Variants in HS6ST3 observed in about 807,000 individuals in gnomAD.
HS6ST3 encodes heparan sulfate 6-O-sulfotransferase 3, also known as heparan-sulfate 6-O-sulfotransferase 3.
HS6ST3 carries 12 observed loss-of-function variants against 36.7 expected under a neutral mutation model. The observed-to-expected ratio is 0.33, with a 90% CI of 0.21 to 0.53. HS6ST3 has a LOEUF of 0.53. HS6ST3 is among the 20% of genes least tolerant of loss of function. HS6ST3 has a pLI of 0.95. For missense variants in HS6ST3, 584 were observed against 640.9 expected, an observed-to-expected ratio of 0.91 and a Z score of 0.96; for synonymous variants, 240 against 257.5, an observed-to-expected ratio of 0.93 and a Z score of 0.65.
chr13:96,264,784 A>T (rs891940027), intron 1 of HS6ST3, among the ~76,000 whole-genome samples: 3 of 152,252 alleles, frequency 2.0e-5, no homozygotes, highest in Non-Finnish European at 4.4e-5. Context: ...TGGCAAAGGT[A>T]TAAGGCTTGG....
chr13:96,211,184 G>A (rs755226356), intron 1 of HS6ST3, among the ~76,000 whole-genome samples: 13 of 152,152 alleles, frequency 8.5e-5, no homozygotes, highest in Non-Finnish European at 1.8e-4. Flanking sequence ...CATCTGCCTT[G>A]GGCTCCCAGA....
At chr13:96,695,603 T>TG (rs1055261012) in intron 1 of HS6ST3, among the ~76,000 whole-genome samples, 2 of 116,516 alleles carry the variant, frequency 1.7e-5, no homozygotes, top group African/African-American at 6.8e-5. Flanking sequence ...CAGCTGTTTT[T>TG]TTTTTTTTTT....
chr13:96,481,667 C>A (rs540891029), intron 1 of HS6ST3, among the ~76,000 whole-genome samples: 3 of 152,154 alleles, frequency 2.0e-5, no homozygotes, highest in African/African-American at 4.8e-5. Context: ...CCTGCCCCTC[C>A]GCTCTCCAGC....
At chr13:96,185,277 T>C (rs2054259905) in intron 1 of HS6ST3, among the ~76,000 whole-genome samples, 1 of 152,256 alleles carries the variant, frequency 6.6e-6, no homozygotes, top group South Asian at 2.1e-4. Flanking sequence ...CCCATCTACT[T>C]TGGAGTAGTT....
intron 1 of HS6ST3, among the ~76,000 whole-genome samples, chr13:96,556,077 C>G (rs1416752390): frequency 2.0e-5 from 3 of 152,178 alleles, no homozygotes; most frequent in Admixed American, 6.6e-5. Flanking sequence ...CAGGAAGAGT[C>G]TGAAGGTCAA....
intron 1 of HS6ST3, among the ~76,000 whole-genome samples, chr13:96,419,418 G>A (rs1482551199): frequency 6.6e-6 from 1 of 152,100 alleles, no homozygotes; most frequent in Non-Finnish European, 1.5e-5. Context: ...GAAAAGATGG[G>A]TTATGATATG....
At chr13:96,147,743 A>G (rs1286356174) in intron 1 of HS6ST3, among the ~76,000 whole-genome samples, 1 of 152,222 alleles carries the variant, frequency 6.6e-6, no homozygotes, top group Non-Finnish European at 1.5e-5. Flanking sequence ...GACTCTGGCC[A>G]TCTGCCACCC....
At chr13:96,222,209 T>C (rs775155398) in intron 1 of HS6ST3, among the ~76,000 whole-genome samples, 3 of 152,282 alleles carry the variant, frequency 2.0e-5, no homozygotes, top group Non-Finnish European at 4.4e-5. Context: ...CACTTTATGA[T>C]GTAACAGGGA....
At chr13:96,761,673 A>G (rs1364421694) in intron 1 of HS6ST3, among the ~76,000 whole-genome samples, 3 of 152,120 alleles carry the variant, frequency 2.0e-5, no homozygotes, top group Non-Finnish European at 4.4e-5. Context: ...TCACAATTTT[A>G]TTTCATACAT....
chr13:96,196,940 A>G (rs2139349074), intron 1 of HS6ST3, among the ~76,000 whole-genome samples: 1 of 152,244 alleles, frequency 6.6e-6, no homozygotes, highest in Middle Eastern at 3.4e-3. Flanking sequence ...CCAAAATGCA[A>G]CTTTCTTACC....
intron 1 of HS6ST3, among the ~76,000 whole-genome samples, chr13:96,763,308 G>A (rs1326937776): frequency 6.7e-6 from 1 of 149,042 alleles, no homozygotes; most frequent in African/African-American, 2.4e-5. Context: ...AAATGTATTA[G>A]TATAATAGGT....
At chr13:96,310,459 C>A (rs201380404) in intron 1 of HS6ST3, among the ~76,000 whole-genome samples, 3 of 151,982 alleles carry the variant, frequency 2.0e-5, no homozygotes, top group Non-Finnish European at 2.9e-5. Flanking sequence ...TTGAGAGATT[C>A]TAAAAATGGG....
At chr13:96,260,886 C>T (rs2054663087) in intron 1 of HS6ST3, among the ~76,000 whole-genome samples, 1 of 152,084 alleles carries the variant, frequency 6.6e-6, no homozygotes, top group African/African-American at 2.4e-5. Flanking sequence ...GTGATCCGCC[C>T]TCCTTGGCCT....
At chr13:96,791,178 A>G (rs987519843) in intron 1 of HS6ST3, among the ~76,000 whole-genome samples, 1 of 151,918 alleles carries the variant, frequency 6.6e-6, no homozygotes, top group Non-Finnish European at 1.5e-5. Flanking sequence ...GCAGCGAATA[A>G]TTTTTCCAAA....
rs200247870 is a variant in HS6ST3, at chr13:96,360,799, T to A, written c.707+269230T>A. On this transcript the variant is annotated intron_variant, in intron 1 of 1. Coordinates refer to ENST00000376705, the MANE Select transcript of HS6ST3 (RefSeq NM_153456.4). ...TCGTCTCTACTAAAAATACAAAAAT[T>A]AGCCAGGTGTAGTGGTGGGCACCTG... 4.8e-4 allele frequency among the ~76,000 whole-genome samples: 73 copies of A among 151,896 alleles called. No homozygotes were observed. The East Asian group carries it at 0.013, about 27-fold the overall frequency.
intron 1 of HS6ST3, among the ~76,000 whole-genome samples, chr13:96,760,887 A>G (rs1026115078): frequency 6.6e-6 from 1 of 152,046 alleles, no homozygotes; most frequent in South Asian, 2.1e-4. Context: ...AAAAGGGTGT[A>G]TTTTCTTTGT....
intron 1 of HS6ST3, among the ~76,000 whole-genome samples, chr13:96,286,492 A>G (rs765483881): frequency 6.6e-6 from 1 of 152,194 alleles, no homozygotes; most frequent in Non-Finnish European, 1.5e-5. Flanking sequence ...GCTGTAGACT[A>G]TGGCATCCTT....
At chr13:96,777,723 A>G (rs555582639) in intron 1 of HS6ST3, among the ~76,000 whole-genome samples, 2 of 152,206 alleles carry the variant, frequency 1.3e-5, no homozygotes, top group African/African-American at 4.8e-5. Flanking sequence ...AGGAAGAATC[A>G]ATATCATGAA....
chr13:96,718,446 A>G (rs1316707171), intron 1 of HS6ST3, among the ~76,000 whole-genome samples: 4 of 152,186 alleles, frequency 2.6e-5, no homozygotes, highest in African/African-American at 9.7e-5. Context: ...TTCAGTATGA[A>G]TCAAGATATT....
Sources: allele counts gnomAD v4.1 joint callset (sites outside exome capture counted in the v4.1 genomes callset), GRCh38; gene constraint gnomAD v4.1.1; transcripts MANE v1.5; gene names NCBI Gene and HGNC (gene_info 2026-07-23, HGNC 2026-07-21).